Variants in ASIC4 observed in about 807,000 individuals in gnomAD.
The protein encoded by ASIC4 is acid-sensing ion channel 4.
A neutral mutation model predicts 53.4 loss-of-function variants in ASIC4; 28 were observed. The observed-to-expected ratio is 0.52, with a 90% CI of 0.39 to 0.72. The LOEUF (loss-of-function observed/expected upper bound fraction) is 0.72. ASIC4 is among the 30% of genes least tolerant of loss of function. The pLI is 0.00. For missense variants in ASIC4, 649 were observed against 729.7 expected (o/e 0.89, Z 1.27); for synonymous variants, 289 against 301.4 (o/e 0.96, Z 0.43).
At chr2:219,512,501 G>A (rs527542058), upstream of ASIC4, among the ~76,000 whole-genome samples, 2 of 152,218 alleles carry the variant, frequency 1.3e-5, no homozygotes, top group East Asian at 1.9e-4. Flanking sequence ...ATCAATATTA[G>A]GAGAAAGGAG....
upstream of ASIC4, among the ~76,000 whole-genome samples, chr2:219,513,180 C>A (rs565060909): frequency 1.7e-4 from 26 of 152,284 alleles, no homozygotes; most frequent in South Asian, 5.4e-3. Context: ...GCCACCTCCC[C>A]CCGCCCGTCC....
chr2:219,522,127 GTGGGTGT>G (rs1694894396), intron 1 of ASIC4, among the ~76,000 whole-genome samples: 2 of 152,180 alleles, frequency 1.3e-5, no homozygotes. Flanking sequence ...TGGGACACCC[GTGGGTGT>G]TGGGTTGGAG....
rs1216071661 is a variant in ASIC4, at chr2:219,538,112, C to T, written c.*66C>T. 2.9e-6 allele frequency: 4 copies of T among 1,373,760 alleles called. No individual in the cohort carries two copies. Among genetic ancestry groups the T allele is most frequent in the Admixed American group, 2.0e-5 (1 of 51,218 alleles). The allele number at this position is 1,373,760 out of a possible 1,614,324, so 85.1% of individuals were successfully genotyped here. On this transcript the variant is annotated 3_prime_UTR_variant, in exon 10 of 10. Coordinates refer to ENST00000358078, the MANE Select transcript of ASIC4 (RefSeq NM_018674.6). ...CTCCTGGGATCCCCAGCACATTCTC[C>T]TGCTCCTGGGAGAGGCCTGGGGGCG...
In ASIC4 at chr2:219,515,085, A is replaced by G. The variant is rs1694763023; in HGVS notation, c.361A>G (p.Asn121Asp). ...GFPAVTLCNI[N>D]RFRHSALSDA... ...CCCGGCTGTCACCCTCTGCAATATC[A>G]ACCGCTTCCGGCATTCGGCACTCAG... Residue 121 changes from asparagine (N) to aspartate (D), a missense_variant, in exon 1 of 10, where the codon AAC (asparagine) becomes GAC (aspartate). Asn to Asp is a conservative substitution (Grantham distance 23). Coordinates refer to ENST00000358078, the MANE Select transcript of ASIC4 (RefSeq NM_018674.6). The G allele has an allele frequency of 6.2e-7, 1 of 1,613,708 alleles. No individual in the cohort carries two copies. The highest frequency in any genetic ancestry group is 1.3e-5 in the African/African-American group (1 of 74,880).
At chr2:219,521,134 A>AGG (rs767006805) in intron 1 of ASIC4, among the ~76,000 whole-genome samples, 1 of 151,964 alleles carries the variant, frequency 6.6e-6, no homozygotes, top group Non-Finnish European at 1.5e-5. Context: ...GAGTGGGTGG[A>AGG]GGGGATGTAA....
chr2:219,537,901 CG>C lies in ASIC4; in HGVS notation c.1507-30del. 6.4e-7 allele frequency: 1 copy of C among 1,555,350 alleles called. No homozygotes were observed. The highest frequency in any genetic ancestry group is 1.3e-5 in the African/African-American group (1 of 74,096). On this transcript the variant is annotated intron_variant, in intron 9 of 9. Transcript: ENST00000358078. This position sits in a 1 kb window ranked among gnomAD's most constrained non-coding sequence, Gnocchi z 4.9. The stretch of plus-strand genomic sequence containing the variant: ...CCTGGGGGCACCACTTGAGCTCTCC[CG>C]GTCCCACTCTCTCTTTTCTTTCTCC...
chr2:219,528,770 C>A (rs1438958670), intron 1 of ASIC4, among the ~76,000 whole-genome samples: 1 of 152,124 alleles, frequency 6.6e-6, no homozygotes, highest in Non-Finnish European at 1.5e-5. Context: ...GAACTCCTGA[C>A]CTCAAGTGTT....
At chr2:219,528,691 C>A (rs1694995401) in intron 1 of ASIC4, among the ~76,000 whole-genome samples, 1 of 152,146 alleles carries the variant, frequency 6.6e-6, no homozygotes, top group Non-Finnish European at 1.5e-5. Flanking sequence ...AGGTGCCCAC[C>A]ATGACACCCA....
At chr2:219,511,645 G>A (rs1163182470), upstream of ASIC4, among the ~76,000 whole-genome samples, 2 of 152,062 alleles carry the variant, frequency 1.3e-5, no homozygotes, top group African/African-American at 4.8e-5. This position sits in a 1 kb window ranked among gnomAD's most constrained non-coding sequence, Gnocchi z 5.3. Context: ...CTCACACCCA[G>A]CTCAGGGCCT....
chr2:219,507,847 G>A, the ASIC4 span, among the ~76,000 whole-genome samples: 1 of 152,156 alleles, frequency 6.6e-6, no homozygotes, highest in Non-Finnish European at 1.5e-5. Flanking sequence ...GCAGCAGGGT[G>A]CTGGGGCCTT....
Position 219,515,171 on chromosome 2 carries a change from G to A in ASIC4, c.447G>A (p.Gly149=). 6.2e-7 allele frequency: 1 copy of A among 1,614,222 alleles called. No individual in the cohort carries two copies. Among genetic ancestry groups the A allele is most frequent in the Non-Finnish European group, 8.5e-7 (1 of 1,180,028 alleles). Residue 149 remains glycine (G), a synonymous_variant, in exon 1 of 10, where the codon GGG becomes GGA. Coordinates refer to ENST00000358078, the MANE Select transcript of ASIC4 (RefSeq NM_018674.6). ...GGCTGCCCCCCAAAGACCGGGATGG[G>A]CACCGTGCGGCTGGCCTGCGCTACC... ...LTGLPPKDRD[G]HRAAGLRYPE... is the part of the protein sequence containing the mutation.
upstream of ASIC4, chr2:219,514,022 G>C (rs746111519): frequency 5.4e-6 from 2 of 373,096 alleles, no homozygotes; most frequent in Non-Finnish European, 9.6e-6. Context: ...CTGGGTGCTG[G>C]AGTCAGGAGT....
intron 5 of ASIC4, among the ~76,000 whole-genome samples, chr2:219,534,446 C>T (rs546735241): frequency 1.1e-4 from 16 of 152,380 alleles, no homozygotes; most frequent in Non-Finnish European, 1.9e-4. Context: ...CTGACAGCAG[C>T]ATGGCTGGAG....
the ASIC4 span, among the ~76,000 whole-genome samples, chr2:219,508,923 C>T: frequency 2.7e-4 from 2 of 7,476 alleles, no homozygotes; most frequent in Admixed American, 1.7e-3. Flanking sequence ...AGCTGGGGGC[C>T]GGGGAGGGGG....
At chr2:219,533,110 C>G (rs1248451236) in intron 5 of ASIC4, 171 bp downstream of exon 5, 8 of 712,218 alleles carry the variant, frequency 1.1e-5, no homozygotes, top group Non-Finnish European at 2.0e-5. Context: ...CTGCGGACCT[C>G]TGCAGGTACA....
upstream of ASIC4, chr2:219,514,404 ACTCG>A (rs752410085): frequency 5.8e-6 from 9 of 1,546,914 alleles, no homozygotes; most frequent in African/African-American, 8.2e-5. Flanking sequence ...TCCCTCGCTC[ACTCG>A]CTCGCTCGCA....
intron 1 of ASIC4, 89 bp downstream of exon 1, chr2:219,515,395 C>G (rs1694770035): frequency 4.1e-6 from 6 of 1,454,640 alleles, no homozygotes; most frequent in Non-Finnish European, 5.5e-6. Flanking sequence ...CAGGGGCATC[C>G]TCAACAGGGC....
In ASIC4 at chr2:219,532,873, C is replaced by G. The variant is rs774728360; in HGVS notation, c.1019-10C>G. 1.2e-5 allele frequency: 20 copies of G among 1,610,970 alleles called. No individual in the cohort carries two copies. Among genetic ancestry groups the G allele is most frequent in the Non-Finnish European group, 1.5e-5 (18 of 1,177,590 alleles). ...TCGTAGATTCCAGGAATAATCTTCT[C>G]TCCTTTCAGGCAATGAGACCATCTG... is the stretch of plus-strand genomic sequence containing the variant. On this transcript the variant is annotated splice_polypyrimidine_tract_variant and intron_variant, in intron 4 of 9. Coordinates refer to ENST00000358078, the MANE Select transcript of ASIC4 (RefSeq NM_018674.6).
intron 1 of ASIC4, among the ~76,000 whole-genome samples, chr2:219,519,256 A>G (rs1010669649): frequency 1.3e-5 from 2 of 152,210 alleles, no homozygotes; most frequent in Admixed American, 6.5e-5. Context: ...AGAGCTTAGC[A>G]CACTACCTGG....
Sources: gnomAD v4.1 joint callset for allele counts (sites outside exome capture counted in the v4.1 genomes callset) on GRCh38, gnomAD v4.1.1 for gene constraint, Gnocchi (gnomAD v3.1) non-coding constraint, MANE v1.5 for transcripts, NCBI Gene and HGNC (gene_info 2026-07-23, HGNC 2026-07-21) for gene names.